Variants in PRKG1 observed in about 807,000 individuals in gnomAD.
PRKG1 encodes the protein cGMP-dependent protein kinase 1.
In PRKG1, 35 loss-of-function variants were observed where a neutral mutation model predicts 88.1. The observed-to-expected ratio is 0.40, with a 90% CI of 0.30 to 0.53. The LOEUF is 0.53. Ranked by LOEUF, PRKG1 falls within the 20% of genes least tolerant of loss-of-function variation. PRKG1 has a pLI of 0.59. For synonymous variants in PRKG1, 303 were observed against 292.5 expected (o/e 1.04, Z -0.37); for missense variants, 540 against 839.8 (o/e 0.64, Z 4.41).
intron 2 of PRKG1, among the ~76,000 whole-genome samples, chr10:51,430,490 C>A (rs1248784889): frequency 6.6e-6 from 1 of 152,068 alleles, no homozygotes; most frequent in Admixed American, 6.6e-5. Flanking sequence ...GAAACTAGAA[C>A]CCTTATACAC....
At position 51,467,379 on chromosome 10, in the gene PRKG1, TACTC is replaced by T. The variant is rs1190433567; in HGVS notation, c.479-342_479-339del. Among the ~76,000 whole-genome samples, 4 of 152,130 alleles carry T rather than the reference TACTC, an allele frequency of 2.6e-5. No homozygotes were observed. In the East Asian group the frequency reaches 7.7e-4, roughly 29 times the overall value. On this transcript the variant is annotated intron_variant, in intron 2 of 17. Transcript: ENST00000373980. ...AGTGTGCTGTAGAAAATGTACCACT[TACTC>T]AAGTTTTCTTTCAGATTCAAAATTA...
chr10:51,460,237 T>C (rs934844721), intron 2 of PRKG1, among the ~76,000 whole-genome samples: 1 of 152,048 alleles, frequency 6.6e-6, no homozygotes, highest in Non-Finnish European at 1.5e-5. Flanking sequence ...TATTACATAC[T>C]CACCCAAGCT....
intron 3 of PRKG1, among the ~76,000 whole-genome samples, chr10:51,556,737 GGGGGATCATTGGCTGAAAAACTGCCTGTT>G (rs1564548672): frequency 6.6e-6 from 1 of 152,012 alleles, no homozygotes. Flanking sequence ...GAAGGCAGGA[GGGGGATCATTGGCTGAAAAACTGCCTGTT>G]GGGTACTATG....
chr10:52,287,809 T>C (rs1488885819), intron 14 of PRKG1, among the ~76,000 whole-genome samples: 2 of 152,028 alleles, frequency 1.3e-5, no homozygotes, highest in Non-Finnish European at 2.9e-5. Context: ...TGAGGTCCTC[T>C]GAGCAGAGAG....
At chr10:52,134,612 G>A (rs970372294) in intron 8 of PRKG1, among the ~76,000 whole-genome samples, 1 of 152,126 alleles carries the variant, frequency 6.6e-6, no homozygotes, top group African/African-American at 2.4e-5. Context: ...TCCTTGTAAT[G>A]TATGTGGATA....
intron 3 of PRKG1, among the ~76,000 whole-genome samples, chr10:51,554,278 TA>T (rs1180589954): frequency 7.8e-6 from 1 of 127,474 alleles, no homozygotes; most frequent in Non-Finnish European, 1.7e-5. Context: ...ATCTTAGTTA[TA>T]TTTATATATT....
intron 10 of PRKG1, chr10:52,252,772 G>A (rs1418337222): frequency 6.6e-6 from 1 of 151,312 alleles, no homozygotes; most frequent in Non-Finnish European, 1.5e-5. Context: ...TGGAGATACT[G>A]TAGTAATATC....
intron 1 of PRKG1, among the ~76,000 whole-genome samples, chr10:51,013,787 A>G (rs543691016): frequency 1.3e-5 from 2 of 152,320 alleles, no homozygotes; most frequent in East Asian, 3.9e-4. Flanking sequence ...CTACAGCAAA[A>G]CAAGTTAAGT....
intron 4 of PRKG1, among the ~76,000 whole-genome samples, chr10:51,873,346 A>G (rs1841206907): frequency 6.6e-6 from 1 of 152,020 alleles, no homozygotes; most frequent in East Asian, 1.9e-4. Flanking sequence ...TTGATATTAA[A>G]CTTGGACTCA....
chr10:52,220,251 C>G (rs1458589772), intron 9 of PRKG1, among the ~76,000 whole-genome samples: 1 of 152,034 alleles, frequency 6.6e-6, no homozygotes, highest in Non-Finnish European at 1.5e-5. Context: ...GCCAGTCACC[C>G]TATCATGAAG....
intron 3 of PRKG1, among the ~76,000 whole-genome samples, chr10:51,550,429 A>G (rs1837100381): frequency 1.3e-5 from 2 of 152,088 alleles, no homozygotes; most frequent in African/African-American, 4.8e-5. Flanking sequence ...ACAAATGACG[A>G]AAGGAGATTA....
intron 2 of PRKG1, among the ~76,000 whole-genome samples, chr10:51,448,728 A>G (rs542448837): frequency 1.3e-3 from 199 of 152,078 alleles, no homozygotes; most frequent in Non-Finnish European, 1.1e-3. Flanking sequence ...AGGTCTGGAC[A>G]CAGGTGGTGT....
chr10:51,011,213 G>A (rs1052621437), intron 1 of PRKG1, among the ~76,000 whole-genome samples: 1 of 152,100 alleles, frequency 6.6e-6, no homozygotes, highest in Admixed American at 6.5e-5. Flanking sequence ...GTGTGTGGGT[G>A]GGGAGGGGGC....
chr10:51,484,542 G>T (rs1186436333), intron 3 of PRKG1, among the ~76,000 whole-genome samples: 3 of 152,122 alleles, frequency 2.0e-5, no homozygotes, highest in Non-Finnish European at 4.4e-5. Context: ...CTCCCAAAGT[G>T]CTGGGATTAT....
At chr10:51,379,266 G>A (rs1842874329) in intron 2 of PRKG1, among the ~76,000 whole-genome samples, 1 of 152,080 alleles carries the variant, frequency 6.6e-6, no homozygotes, top group Admixed American at 6.5e-5. Flanking sequence ...GAGGAGAAAA[G>A]CTAACATTTA....
At chr10:52,116,319 C>T (rs1288206681) in intron 7 of PRKG1, among the ~76,000 whole-genome samples, 3 of 152,108 alleles carry the variant, frequency 2.0e-5, no homozygotes, top group Non-Finnish European at 1.5e-5. Flanking sequence ...CAAAAGTACT[C>T]ATTATTTATC....
chr10:51,092,389 G>A (rs1438838200), intron 1 of PRKG1, among the ~76,000 whole-genome samples: 1 of 152,138 alleles, frequency 6.6e-6, no homozygotes, highest in Non-Finnish European at 1.5e-5. Context: ...AATTCTAATG[G>A]GTTCTTGTGC....
intron 2 of PRKG1, among the ~76,000 whole-genome samples, chr10:51,230,804 A>G (rs1237101208): frequency 6.6e-6 from 1 of 152,018 alleles, no homozygotes; most frequent in African/African-American, 2.4e-5. Context: ...AAAAGCCTGC[A>G]CATGTTCAGT....
intron 7 of PRKG1, among the ~76,000 whole-genome samples, chr10:52,131,913 C>T (rs773596727): frequency 2.8e-5 from 4 of 140,888 alleles, no homozygotes; most frequent in Non-Finnish European, 4.5e-5. Context: ...TGGGAGTTAA[C>T]GAGACTATAA....
Sources: allele counts gnomAD v4.1 joint callset (sites outside exome capture counted in the v4.1 genomes callset), GRCh38; gene constraint gnomAD v4.1.1; transcripts MANE v1.5; gene names NCBI Gene and HGNC (gene_info 2026-07-23, HGNC 2026-07-21).